ARHGAP24: variants seen among roughly 807,000 people sequenced by gnomAD.
ARHGAP24 encodes Rho GTPase activating protein 24.
In ARHGAP24, 50 loss-of-function variants were observed where a neutral mutation model predicts 76.4. That is an observed-to-expected ratio of 0.65 (90% CI 0.52 to 0.83). The LOEUF (loss-of-function observed/expected upper bound fraction) is 0.83, where lower values mean the gene tolerates loss of function less well. ARHGAP24 is among the 40% of genes least tolerant of loss of function. ARHGAP24 has a pLI of 0.00. For synonymous variants in ARHGAP24, 345 were observed against 323.3 expected (o/e 1.07, Z -0.72); for missense variants, 930 against 914.2 (o/e 1.02, Z -0.22).
chr4:85,489,753 G>T (rs1243994224), intron 1 of ARHGAP24, among the ~76,000 whole-genome samples: 1 of 152,152 alleles, frequency 6.6e-6, no homozygotes, highest in Non-Finnish European at 1.5e-5. Flanking sequence ...TGGCTCAATG[G>T]TGTCCCTTCT....
Position 85,796,003 on chromosome 4 carries a change from T to A in ARHGAP24, c.268+74031T>A, listed in dbSNP as rs141491447. ...TTCACCATCACAGAGTTCCCAGAAT[T>A]CCCTGGAAGAAGGGCTGTTCCCTGG... On this transcript the variant is annotated intron_variant, in intron 3 of 9. Transcript: ENST00000395184. Among the ~76,000 whole-genome samples the A allele has an allele frequency of 4.5e-3, 687 of 152,280 alleles. 4 individuals carry two copies. Among genetic ancestry groups the A allele is most frequent in the African/African-American group, 0.016 (655 of 41,562 alleles).
chr4:85,958,539 C>T (rs1738053637), intron 5 of ARHGAP24, among the ~76,000 whole-genome samples: 1 of 152,140 alleles, frequency 6.6e-6, no homozygotes. Flanking sequence ...ATAATTCCTA[C>T]TGAAAATAAG....
At chr4:85,663,091 C>G (rs1249608854) in intron 2 of ARHGAP24, among the ~76,000 whole-genome samples, 1 of 151,892 alleles carries the variant, frequency 6.6e-6, no homozygotes, top group African/African-American at 2.4e-5. Context: ...GGCATTGAAT[C>G]TATAAATTAC....
chr4:85,831,675 G>T lies in ARHGAP24; in HGVS notation c.269-91973G>T, dbSNP rs1190723209. 3.9e-5 allele frequency among the ~76,000 whole-genome samples: 6 copies of T among 152,274 alleles called. No individual in the cohort carries two copies. The South Asian group carries it at 1.2e-3, about 32-fold the overall frequency. On this transcript the variant is annotated intron_variant, in intron 3 of 9. Coordinates refer to ENST00000395184, the MANE Select transcript of ARHGAP24 (RefSeq NM_001025616.3). ...CCAGCACTTTGGGAGGCCAGGGTGG[G>T]AGGATCACTTGAGCCCAGAAGTTCA... is the stretch of plus-strand genomic sequence containing the variant.
chr4:85,489,153 A>G lies in ARHGAP24; in HGVS notation c.-21+13594A>G, dbSNP rs147289973. On this transcript the variant is annotated intron_variant, in intron 1 of 9. Coordinates refer to ENST00000395184, the MANE Select transcript of ARHGAP24 (RefSeq NM_001025616.3). Reference sequence around the variant, plus strand: ...TCATGTGCCTGAAAAACAACAAATAAGTCTGATGGCATTTAACACTTAAGA... The same window carrying G: ...TCATGTGCCTGAAAAACAACAAATAGGTCTGATGGCATTTAACACTTAAGA... Among the ~76,000 whole-genome samples, 360 of 152,318 alleles carry G rather than the reference A, an allele frequency of 2.4e-3. 1 individual carries two copies. The highest frequency in any genetic ancestry group is 8.4e-3 in the African/African-American group (349 of 41,574).
At chr4:85,992,458 T>C (rs1297292417) in intron 8 of ARHGAP24, among the ~76,000 whole-genome samples, 1 of 152,090 alleles carries the variant, frequency 6.6e-6, no homozygotes, top group Non-Finnish European at 1.5e-5. Context: ...AGGATGTTGC[T>C]CTTCAATTAA....
intron 9 of ARHGAP24, 27 bp from the exon 10 acceptor site, chr4:86,000,452 C>A (rs770758420): frequency 5.0e-6 from 3 of 601,562 alleles, no homozygotes; most frequent in Non-Finnish European, 8.1e-6. Context: ...CGTCCCCACC[C>A]CCCACCCCCC....
chr4:85,927,495 A>G (rs1229935377), intron 4 of ARHGAP24, among the ~76,000 whole-genome samples: 2 of 152,226 alleles, frequency 1.3e-5, no homozygotes, highest in African/African-American at 4.8e-5. Flanking sequence ...TGGTATGGGA[A>G]TTATATCTCA....
intron 2 of ARHGAP24, among the ~76,000 whole-genome samples, chr4:85,675,606 G>T (rs1187854863): frequency 6.6e-6 from 1 of 152,180 alleles, no homozygotes; most frequent in African/African-American, 2.4e-5. Context: ...GCCTTCCCAA[G>T]ATGGTGGGCA....
chr4:85,642,697 G>A (rs1431820620), intron 2 of ARHGAP24, among the ~76,000 whole-genome samples: 1 of 152,026 alleles, frequency 6.6e-6, no homozygotes, highest in Non-Finnish European at 1.5e-5. Flanking sequence ...GAGTGTCTGA[G>A]CCACTATCAT....
chr4:85,692,713 T>C (rs1277140685), intron 2 of ARHGAP24, among the ~76,000 whole-genome samples: 1 of 152,228 alleles, frequency 6.6e-6, no homozygotes, highest in Non-Finnish European at 1.5e-5. Context: ...TTGCAGCTCT[T>C]GGATTATTTT....
chr4:85,718,882 A>G (rs1364135223), intron 2 of ARHGAP24, among the ~76,000 whole-genome samples: 1 of 152,224 alleles, frequency 6.6e-6, no homozygotes, highest in African/African-American at 2.4e-5. Flanking sequence ...AAAATGTGAT[A>G]GCTTAAGATT....
intron 3 of ARHGAP24, among the ~76,000 whole-genome samples, chr4:85,834,543 T>TA (rs961670914): frequency 3.9e-5 from 6 of 152,200 alleles, no homozygotes; most frequent in South Asian, 2.1e-4. Flanking sequence ...GTGTATCTGT[T>TA]ACAACATCCC....
rs72654050 is a variant in ARHGAP24, at chr4:85,484,579, C to T, written c.-21+9020C>T. Among the ~76,000 whole-genome samples the T allele has an allele frequency of 8.6e-3, 1,312 of 152,096 alleles. 14 individuals are homozygous for T. The highest frequency in any genetic ancestry group is 0.015 in the Admixed American group (236 of 15,276). Reference sequence around the variant, plus strand: ...GGGCAAGCAGATGATATTTTATTCACCCCCCTTTGTGCGTTGTGTGTAATG... The same window carrying T: ...GGGCAAGCAGATGATATTTTATTCATCCCCCTTTGTGCGTTGTGTGTAATG... On this transcript the variant is annotated intron_variant, in intron 1 of 9. Transcript: ENST00000395184.
intron 3 of ARHGAP24, among the ~76,000 whole-genome samples, chr4:85,902,838 A>G (rs1467454310): frequency 2.0e-5 from 3 of 152,222 alleles, no homozygotes; most frequent in Non-Finnish European, 4.4e-5. Context: ...TCCTGAGCTC[A>G]GGTGATCCGC....
At chr4:85,969,896 G>C (rs1738863993) in intron 5 of ARHGAP24, among the ~76,000 whole-genome samples, 1 of 152,072 alleles carries the variant, frequency 6.6e-6, no homozygotes, top group African/African-American at 2.4e-5. Flanking sequence ...TTCTTTACAA[G>C]GTTTTAAGAT....
At chr4:85,742,433 C>A (rs2110061124) in intron 3 of ARHGAP24, among the ~76,000 whole-genome samples, 1 of 152,306 alleles carries the variant, frequency 6.6e-6, no homozygotes, top group South Asian at 2.1e-4. Flanking sequence ...TTGAATGGAA[C>A]ATGCAACCTG....
In ARHGAP24 at chr4:85,974,941, C is replaced by A. The variant is rs116160368; in HGVS notation, c.786C>A (p.Asn262Lys). 4 of 1,613,642 alleles carry A rather than the reference C, an allele frequency of 2.5e-6. No homozygotes were observed. In the East Asian group the frequency reaches 6.7e-5, roughly 27 times the overall value. ...QVKSLPVVNY[N>K]LLKYICRFLD... is the part of the protein sequence containing the mutation. Reference sequence around the variant, plus strand: ...AGAGTTTGCCAGTGGTAAATTACAACCTCCTCAAGTATATTTGCAGGTAAG... The same window carrying A: ...AGAGTTTGCCAGTGGTAAATTACAAACTCCTCAAGTATATTTGCAGGTAAG... The change falls in exon 7 of 10, where the codon AAC becomes AAA. Residue 262 changes from asparagine (N) to lysine (K), a missense_variant. Asn to Lys is a moderately conservative substitution (Grantham distance 94). Transcript: ENST00000395184.
chr4:85,735,758 A>G (rs1475233750), intron 3 of ARHGAP24, among the ~76,000 whole-genome samples: 1 of 151,876 alleles, frequency 6.6e-6, no homozygotes, highest in African/African-American at 2.4e-5. Flanking sequence ...TCTTCCATAC[A>G]CTGTAGCCAG....
Sources: gnomAD v4.1 joint callset for allele counts (sites outside exome capture counted in the v4.1 genomes callset) on GRCh38, gnomAD v4.1.1 for gene constraint, MANE v1.5 for transcripts, NCBI Gene and HGNC (gene_info 2026-07-23, HGNC 2026-07-21) for gene names.